The following ESRP1 variants were observed in gnomAD, a reference collection of about 807,000 sequenced individuals.
ESRP1 encodes epithelial splicing regulatory protein 1.
In ESRP1, 33 loss-of-function variants were observed where a neutral mutation model predicts 81.7. The observed-to-expected ratio is 0.40, with a 90% CI of 0.31 to 0.54. The LOEUF is 0.54. Ranked by LOEUF, ESRP1 falls within the 20% of genes least tolerant of loss-of-function variation. ESRP1 has a pLI of 0.41. For synonymous variants in ESRP1, 320 were observed against 303.3 expected (o/e 1.06, Z -0.57); for missense variants, 672 against 833.1 (o/e 0.81, Z 2.38).
In ESRP1 at chr8:94,646,277, C is replaced by T; in HGVS notation, c.485C>T (p.Thr162Ile). ...DIDKLDVATM[T>I]EYLNFEKSSS... ...GACAAACTGGACGTTGCCACAATGA[C>T]AGAGTGTATCCTTTAAATCATTACT... The change falls in exon 4 of 16, where the codon ACA (threonine) becomes ATA (isoleucine). Residue 162 changes from threonine to isoleucine, a missense_variant. Thr to Ile is a moderately conservative substitution (Grantham distance 89, BLOSUM62 -1). Coordinates refer to ENST00000433389, the MANE Select transcript of ESRP1 (RefSeq NM_017697.4). 6.3e-7 allele frequency: 1 copy of T among 1,581,954 alleles called. No individual in the cohort carries two copies. The highest frequency in any genetic ancestry group is 8.7e-7 in the Non-Finnish European group (1 of 1,152,708).
intron 4 of ESRP1, among the ~76,000 whole-genome samples, chr8:94,646,791 T>G (rs1293040529): frequency 6.6e-6 from 1 of 152,196 alleles, no homozygotes; most frequent in Non-Finnish European, 1.5e-5. Flanking sequence ...GATGATAAAA[T>G]GGGGTCTGGA....
intron 13 of ESRP1, chr8:94,688,085 T>A (rs1036232591): frequency 6.6e-6 from 1 of 152,308 alleles, no homozygotes; most frequent in African/African-American, 2.4e-5. Flanking sequence ...AAATCATCCC[T>A]TTAGAGAAAA....
intron 12 of ESRP1, among the ~76,000 whole-genome samples, chr8:94,675,775 C>A (rs928527254): frequency 6.6e-6 from 1 of 152,062 alleles, no homozygotes; most frequent in Non-Finnish European, 1.5e-5. Context: ...CAGATTTTTC[C>A]TCTGAAGACT....
At chr8:94,701,971 G>A (rs909016076) in intron 15 of ESRP1, among the ~76,000 whole-genome samples, 1 of 152,112 alleles carries the variant, frequency 6.6e-6, no homozygotes, top group Non-Finnish European at 1.5e-5. Context: ...CAAGTTACTC[G>A]GGAGGCTGAG....
intron 15 of ESRP1, among the ~76,000 whole-genome samples, chr8:94,698,527 T>C (rs1413001127): frequency 1.3e-5 from 2 of 152,368 alleles, no homozygotes. Flanking sequence ...TCTTTGAAAA[T>C]AGTCTTCCAG....
chr8:94,689,048 T>G (rs771825788), intron 13 of ESRP1, among the ~76,000 whole-genome samples: 3 of 152,054 alleles, frequency 2.0e-5, no homozygotes, highest in Non-Finnish European at 4.4e-5. Context: ...GCCAGTAGTT[T>G]GAGACCAGCC....
At chr8:94,682,932 A>ATATATATATATATATT (rs1808974140) in intron 13 of ESRP1, among the ~76,000 whole-genome samples, 1 of 18,092 alleles carries the variant, frequency 5.5e-5, no homozygotes, top group African/African-American at 3.5e-4. Context: ...ATATATATAT[A>ATATATATATATATATT]TTTTTTTTTT....
intron 12 of ESRP1, among the ~76,000 whole-genome samples, chr8:94,676,349 CAAA>C (rs10652320): frequency 1.7e-5 from 2 of 120,730 alleles, no homozygotes; most frequent in Non-Finnish European, 3.4e-5. Flanking sequence ...GACTCAGTCT[CAAA>C]AAAAAAAAAA....
chr8:94,698,579 T>C (rs774218360), intron 15 of ESRP1, among the ~76,000 whole-genome samples: 1 of 152,234 alleles, frequency 6.6e-6, no homozygotes, highest in African/African-American at 2.4e-5. Context: ...CACAATCTTT[T>C]CTTAAAGGAT....
At chr8:94,699,018 T>C (rs1310879117) in intron 15 of ESRP1, among the ~76,000 whole-genome samples, 1 of 152,222 alleles carries the variant, frequency 6.6e-6, no homozygotes, top group East Asian at 1.9e-4. Flanking sequence ...TGTTCTAGCC[T>C]GTTGATATCC....
chr8:94,679,093 C>T (rs959212750), intron 13 of ESRP1, among the ~76,000 whole-genome samples: 1 of 152,154 alleles, frequency 6.6e-6, no homozygotes, highest in African/African-American at 2.4e-5. Context: ...AGCTATGTTG[C>T]ATTGTATTTT....
At chr8:94,669,442 C>G (rs1294955988) in intron 10 of ESRP1, among the ~76,000 whole-genome samples, 1 of 152,098 alleles carries the variant, frequency 6.6e-6, no homozygotes, top group Non-Finnish European at 1.5e-5. Flanking sequence ...AAGTTAAGAA[C>G]CTTTTTACCT....
chr8:94,699,268 C>T (rs1457863092), intron 15 of ESRP1, among the ~76,000 whole-genome samples: 2 of 152,030 alleles, frequency 1.3e-5, no homozygotes, highest in Non-Finnish European at 2.9e-5. Flanking sequence ...AGATCGGGCG[C>T]TGTGTTCAAA....
intron 13 of ESRP1, among the ~76,000 whole-genome samples, chr8:94,681,875 A>G (rs184923441): frequency 7.2e-4 from 110 of 152,272 alleles, no homozygotes; most frequent in Admixed American, 6.9e-3. Context: ...CGGTGGTTGC[A>G]GTGAGCCAAG....
At chr8:94,682,904 T>TTATATATATATATATATATATATA (rs1170938965) in intron 13 of ESRP1, among the ~76,000 whole-genome samples, 6 of 29,842 alleles carry the variant, frequency 2.0e-4, no homozygotes, top group African/African-American at 1.1e-3. Flanking sequence ...ATTCATTATT[T>TTATATATATATATATATATATATA]TATATATATA....
At position 94,641,199 on chromosome 8, in the gene ESRP1, G is replaced by T. The variant is rs940687833; in HGVS notation, c.-120G>T. The T allele has an allele frequency of 3.1e-6, 3 of 983,246 alleles. No individual in the cohort carries two copies. Among genetic ancestry groups the T allele is most frequent in the East Asian group, 5.3e-5 (2 of 37,796 alleles). 60.9% of individuals were successfully genotyped at this position (983,246 alleles called of 1,614,324 possible). A position where few individuals can be genotyped will look rare whatever the true frequency, so the allele number is the denominator to read the frequency against. ...CTTTTGCACTAGCAGTAGCAAGGAA[G>T]GGGGGTGGGCGCTCTTTCTTTTTCT... On this transcript the variant is annotated 5_prime_UTR_variant, in exon 1 of 16. It adds an upstream start codon to the 5' untranslated region. Coordinates refer to ENST00000433389, the MANE Select transcript of ESRP1 (RefSeq NM_017697.4).
chr8:94,701,941 C>A (rs569257303), intron 15 of ESRP1, among the ~76,000 whole-genome samples: 103 of 152,166 alleles, frequency 6.8e-4, no homozygotes, highest in African/African-American at 2.4e-3. Flanking sequence ...AGCCAGGTGT[C>A]GTCATGCATG....
chr8:94,665,032 A>G lies in ESRP1; in HGVS notation c.861A>G (p.Lys287=). 1.2e-6 allele frequency: 2 copies of G among 1,613,800 alleles called. No individual in the cohort carries two copies. The highest frequency in any genetic ancestry group is 1.3e-5 in the African/African-American group (1 of 74,970). Residue 287 remains lysine (K), a synonymous_variant, in exon 8 of 16, where the codon AAA becomes AAG. Transcript: ENST00000433389. ...GAGACCTAGCACTACAGAGGCACAA[A>G]CATCACATGGGGACCCGGTATATTG... The part of the protein sequence containing the change: ...EHRDLALQRH[K]HHMGTRYIEV...
At chr8:94,658,473 C>T (rs910328584) in intron 4 of ESRP1, among the ~76,000 whole-genome samples, 1 of 152,118 alleles carries the variant, frequency 6.6e-6, no homozygotes, top group African/African-American at 2.4e-5. Context: ...CTAATGAACT[C>T]TTAAATTGAC....
Sources: gnomAD v4.1 joint callset for allele counts (sites outside exome capture counted in the v4.1 genomes callset) on GRCh38, gnomAD v4.1.1 for gene constraint, MANE v1.5 for transcripts, NCBI Gene and HGNC (gene_info 2026-07-23, HGNC 2026-07-21) for gene names.